The following TCFL5 variants were observed in gnomAD, a reference collection of about 807,000 sequenced individuals.
TCFL5 encodes transcription factor like 5.
Under a neutral mutation model 44.3 loss-of-function variants are expected in TCFL5, and 9 were observed. The ratio of observed to expected loss-of-function variants is 0.20; its 90% CI spans 0.12 to 0.35. The LOEUF is 0.35. Ranked by LOEUF, TCFL5 falls within the 10% of genes least tolerant of loss-of-function variation. TCFL5 has a pLI of 1.00. For missense variants in TCFL5, 603 were observed against 613.4 expected (o/e 0.98, Z 0.18); for synonymous variants, 319 against 271.6 (o/e 1.17, Z -1.72).
intron 4 of TCFL5, among the ~76,000 whole-genome samples, chr20:62,856,963 T>C (rs537651214): frequency 6.6e-6 from 1 of 152,276 alleles, no homozygotes; most frequent in Admixed American, 6.5e-5. Flanking sequence ...ATGGGGGCAG[T>C]GCCTACGTGA....
intron 2 of TCFL5, 117 bp downstream of exon 2, chr20:62,860,008 T>C (rs1718356157): frequency 1.8e-6 from 2 of 1,085,562 alleles, no homozygotes; most frequent in East Asian, 2.4e-5. Context: ...GGCGCCCGGC[T>C]TAAAAGGTTA....
At chr20:62,845,967 C>T (rs2063737694) in intron 5 of TCFL5, 1 of 1,447,072 alleles carries the variant, frequency 6.9e-7, no homozygotes, top group Non-Finnish European at 9.3e-7. Context: ...CAGATAGAAA[C>T]TTCAAATGCA....
At position 62,861,014 on chromosome 20, in the gene TCFL5, G is replaced by A; in HGVS notation, c.647+10C>T. Reference sequence around the variant, plus strand: ...CGGGCCCCGCCAGCCCCCGGCCGCCGGGCACGCACTTGTTGAGCGCCCCGC... The same window carrying A: ...CGGGCCCCGCCAGCCCCCGGCCGCCAGGCACGCACTTGTTGAGCGCCCCGC... On this transcript the variant is annotated intron_variant, in intron 1 of 5. Coordinates refer to ENST00000335351, the MANE Select transcript of TCFL5 (RefSeq NM_006602.4). This position sits in a 1 kb window ranked among gnomAD's most constrained non-coding sequence, Gnocchi z 4.0. The A allele has an allele frequency of 2.0e-6, 2 of 993,350 alleles. No individual in the cohort carries two copies. Among genetic ancestry groups the A allele is most frequent in the Non-Finnish European group, 2.4e-6 (2 of 836,210 alleles). The allele number at this position is 993,350 out of a possible 1,614,324, so 61.5% of individuals were successfully genotyped here.
chr20:62,860,028 C>T (rs1461065869), intron 2 of TCFL5, 97 bp downstream of exon 2: 1 of 1,266,890 alleles, frequency 7.9e-7, no homozygotes, highest in Non-Finnish European at 1.1e-6. Flanking sequence ...ATTAAGCTCA[C>T]TGAAGGGAAA....
rs752104899 is a variant in TCFL5 at position 62,857,387 on chromosome 20, C to T, written c.1238+8G>A. The T allele has an allele frequency of 5.1e-5, 82 of 1,613,586 alleles. No individual in the cohort carries two copies. The highest frequency in any genetic ancestry group is 1.6e-4 in the Middle Eastern group (1 of 6,084). ...TGAGTCAGCCTGACAAGCAGTCACACGTATTACCTTCTATCTCTTTCCATT... is the reference window on the plus strand; with the variant it reads ...TGAGTCAGCCTGACAAGCAGTCACATGTATTACCTTCTATCTCTTTCCATT... On this transcript the variant is annotated splice_region_variant and intron_variant, in intron 4 of 5. Transcript: ENST00000335351.
At chr20:62,851,894 C>T in intron 5 of TCFL5, 1 of 911,742 alleles carries the variant, frequency 1.1e-6, no homozygotes, top group Non-Finnish European at 1.3e-6. Flanking sequence ...ATTGCAACCT[C>T]CGCCTCCCGG....
rs1190199165 is a variant in TCFL5 at position 62,841,349 on chromosome 20, T to C, written c.*626A>G. 1 of 154,210 alleles carries C rather than the reference T, an allele frequency of 6.5e-6. No homozygotes were observed. The highest frequency in any genetic ancestry group is 1.4e-5 in the Non-Finnish European group (1 of 69,430). 9.6% of individuals were successfully genotyped at this position (154,210 alleles called of 1,614,324 possible). On this transcript the variant is annotated 3_prime_UTR_variant, in exon 6 of 6. Transcript: ENST00000335351. ...ACATGAAGTAATGAATGACTCTTGG[T>C]ATGAAAACGTGGCATTTAAGCGTCT... is the stretch of plus-strand genomic sequence containing the variant.
At chr20:62,857,043 G>A (rs1350690408) in intron 4 of TCFL5, among the ~76,000 whole-genome samples, 4 of 152,308 alleles carry the variant, frequency 2.6e-5, no homozygotes, top group South Asian at 2.1e-4. Context: ...CCACATGGCT[G>A]GGGGCATGAG....
At chr20:62,859,281 C>T in intron 3 of TCFL5, 83 bp downstream of exon 3, 1 of 1,418,794 alleles carries the variant, frequency 7.0e-7, no homozygotes, top group Non-Finnish European at 9.7e-7. Flanking sequence ...CATCTGTCTC[C>T]CCTGCCCCCC....
chr20:62,861,112 G>T lies in TCFL5; in HGVS notation c.559C>A (p.Leu187Met). Residue 187 changes from leucine to methionine, a missense_variant, in exon 1 of 6, where the codon CTG (leucine) becomes ATG (methionine). This residue lies in a region of TCFL5 where 540 missense variants were observed against 478.7 expected (regional missense o/e 1.13). Coordinates refer to ENST00000335351, the MANE Select transcript of TCFL5 (RefSeq NM_006602.4). This position sits in a 1 kb window ranked among gnomAD's most constrained non-coding sequence, Gnocchi z 4.0. ...ARAKPAVRVR[L>M]EDRFNSIPAE... ...GGGATGCTGTTGAAGCGGTCCTCCA[G>T]GCGGACGCGCACGGCCGGCTTGGCC... is the stretch of plus-strand genomic sequence containing the variant. The T allele has an allele frequency of 1.0e-6, 1 of 998,712 alleles. No individual in the cohort carries two copies. Among genetic ancestry groups the T allele is most frequent in the South Asian group, 4.5e-5 (1 of 22,256 alleles). 61.9% of individuals were successfully genotyped at this position (998,712 alleles called of 1,614,324 possible).
At chr20:62,856,356 A>G (rs915885398) in intron 4 of TCFL5, among the ~76,000 whole-genome samples, 1 of 152,002 alleles carries the variant, frequency 6.6e-6, no homozygotes, top group Non-Finnish European at 1.5e-5. Flanking sequence ...TAAAATCTAC[A>G]GACAAAACCA....
rs749669595 is a variant in TCFL5 at position 62,842,487 on chromosome 20, C to T, written c.1381-390G>A. Among the ~76,000 whole-genome samples, 1 of 152,176 alleles carries T rather than the reference C, an allele frequency of 6.6e-6. No homozygotes were observed. Among genetic ancestry groups the T allele is most frequent in the African/African-American group, 2.4e-5 (1 of 41,442 alleles). On this transcript the variant is annotated intron_variant, in intron 5 of 5. Transcript: ENST00000335351. The surrounding 1 kb of genome is among the most constrained non-coding windows in gnomAD (Gnocchi z 4.3). ...ATATATTAAAACGTTTCAGGCCGGG[C>T]GTGGCGGCTCACGCCTATAATCCCA...
intron 5 of TCFL5, among the ~76,000 whole-genome samples, chr20:62,847,870 C>T (rs2063763147): frequency 6.6e-6 from 1 of 152,154 alleles, no homozygotes; most frequent in Admixed American, 6.5e-5. Context: ...ATTAGCTGGG[C>T]GTGGTGGCGT....
chr20:62,852,791 C>G, intron 5 of TCFL5: 1 of 1,289,208 alleles, frequency 7.8e-7, no homozygotes, highest in South Asian at 1.2e-5. Context: ...AGCACGGTCA[C>G]CCGGTCCGCA....
chr20:62,841,907 T>G lies in TCFL5; in HGVS notation c.*68A>C. 1 of 1,581,550 alleles carries G rather than the reference T, an allele frequency of 6.3e-7. No homozygotes were observed. Among genetic ancestry groups the G allele is most frequent in the Non-Finnish European group, 8.6e-7 (1 of 1,164,710 alleles). On this transcript the variant is annotated 3_prime_UTR_variant, in exon 6 of 6. Coordinates refer to ENST00000335351, the MANE Select transcript of TCFL5 (RefSeq NM_006602.4). ...AGACTAGCCGAGCAGAGCTCCAGGG[T>G]TGCAGAAGGCGTGCACAGGTCACGA...
In TCFL5 at chr20:62,857,497, G is replaced by A. The variant is rs763475468; in HGVS notation, c.1136C>T (p.Ser379Leu). The stretch of plus-strand genomic sequence containing the variant: ...CCCCAGGTTTGCCTGTGAGGACTCC[G>A]AGGACTGCCAAGCGCCTTGTGTGGC... Reference protein sequence around the residue: ...ATATQGAWQSSESSQANLGEQ... With the variant: ...ATATQGAWQSLESSQANLGEQ... The change falls in exon 4 of 6, where the codon TCG becomes TTG. Residue 379 changes from serine (S) to leucine (L), a missense_variant. By Grantham distance (145) the Ser-to-Leu change is moderately radical. Around this residue, in one of 4 missense-constraint regions of TCFL5, gnomAD observed 540 missense variants for 478.7 expected, o/e 1.13. Transcript: ENST00000335351. 30 of 1,614,106 alleles carry A rather than the reference G, an allele frequency of 1.9e-5. No homozygotes were observed. Among genetic ancestry groups the A allele is most frequent in the Middle Eastern group, 3.3e-4 (2 of 6,084 alleles).
chr20:62,859,461 T>G lies in TCFL5; in HGVS notation c.897A>C (p.Ala299=). The G allele has an allele frequency of 6.2e-7, 1 of 1,614,140 alleles. No homozygotes were observed. Among genetic ancestry groups the G allele is most frequent in the Non-Finnish European group, 8.5e-7 (1 of 1,180,008 alleles). ...AKHQDIGLPR[A]FSFCYQQEIE... ...TTTCTTGCTGATAACAGAAAGAAAATGCTCTAGGCAATCCAATATCCTGGT... is the reference window on the plus strand; with the variant it reads ...TTTCTTGCTGATAACAGAAAGAAAAGGCTCTAGGCAATCCAATATCCTGGT... Residue 299 remains alanine (A), a synonymous_variant, in exon 3 of 6, where the codon GCA becomes GCC. Coordinates refer to ENST00000335351, the MANE Select transcript of TCFL5 (RefSeq NM_006602.4).
chr20:62,849,354 T>C (rs1275597553), intron 5 of TCFL5, among the ~76,000 whole-genome samples: 2 of 152,114 alleles, frequency 1.3e-5, no homozygotes, highest in African/African-American at 4.8e-5. Context: ...TACACCAAAA[T>C]TTAAAATTAC....
chr20:62,851,257 G>A (rs1262114634), intron 5 of TCFL5, among the ~76,000 whole-genome samples: 1 of 151,548 alleles, frequency 6.6e-6, no homozygotes, highest in East Asian at 1.9e-4. Flanking sequence ...TTTCTTGGTG[G>A]GTCTAATAAT....
Sources: allele counts gnomAD v4.1 joint callset (sites outside exome capture counted in the v4.1 genomes callset), GRCh38; gene constraint gnomAD v4.1.1; regional missense constraint gnomAD v4.1.1; non-coding constraint Gnocchi (gnomAD v3.1); transcripts MANE v1.5; gene names NCBI Gene and HGNC (gene_info 2026-07-23, HGNC 2026-07-21).